FAM53A: variants seen among roughly 807,000 people sequenced by gnomAD.
FAM53A encodes protein FAM53A.
In FAM53A, 28 loss-of-function variants were observed where a neutral mutation model predicts 26.6. The observed-to-expected ratio is 1.05, with a 90% CI of 0.78 to 1.45. The LOEUF (loss-of-function observed/expected upper bound fraction) is 1.45, where lower values mean the gene tolerates loss of function less well. Ranked by LOEUF, FAM53A falls within the 40% of genes most tolerant of loss-of-function variation. The pLI is 0.00. For missense variants in FAM53A, 650 were observed against 575.8 expected, an observed-to-expected ratio of 1.13 and a Z score of -1.32; for synonymous variants, 290 against 253.1, an observed-to-expected ratio of 1.15 and a Z score of -1.38.
chr4:1,603,147 C>T, the FAM53A span, among the ~76,000 whole-genome samples: 7 of 152,308 alleles, frequency 4.6e-5, no homozygotes, highest in East Asian at 1.2e-3. Flanking sequence ...TGGGGCGAGC[C>T]GAGTAGCAAG....
the FAM53A span, among the ~76,000 whole-genome samples, chr4:1,582,925 G>C: frequency 6.6e-6 from 1 of 152,226 alleles, no homozygotes; most frequent in Non-Finnish European, 1.5e-5. Flanking sequence ...TGGATTTCTA[G>C]GTCCCAGATG....
chr4:1,631,159 T>C (rs1715594420), intron 1 of FAM53A, among the ~76,000 whole-genome samples: 2 of 152,236 alleles, frequency 1.3e-5, no homozygotes, highest in African/African-American at 4.8e-5. Context: ...TGGCTCTGAC[T>C]CTGCCACCTG....
At chr4:1,607,852 A>G in the FAM53A span, among the ~76,000 whole-genome samples, 1 of 152,052 alleles carries the variant, frequency 6.6e-6, no homozygotes. Context: ...AGGCATGAGA[A>G]TCACTTGAAC....
intron 4 of FAM53A, among the ~76,000 whole-genome samples, chr4:1,646,441 T>A (rs966832340): frequency 6.6e-6 from 1 of 152,188 alleles, no homozygotes; most frequent in Admixed American, 6.5e-5. Flanking sequence ...ATAAGTGACG[T>A]CGTCGGGGGT....
the FAM53A span, among the ~76,000 whole-genome samples, chr4:1,577,228 A>C: frequency 4.0e-3 from 602 of 152,314 alleles, 6 homozygotes; most frequent in Admixed American, 7.8e-3. Context: ...GCACACAGGG[A>C]GAGCAGAGGG....
chr4:1,595,556 A>T, the FAM53A span, among the ~76,000 whole-genome samples: 2 of 152,134 alleles, frequency 1.3e-5, no homozygotes, highest in East Asian at 1.9e-4. Context: ...GGAAGTCACC[A>T]CTGGTATAAA....
the FAM53A span, among the ~76,000 whole-genome samples, chr4:1,602,795 G>A: frequency 2.0e-5 from 3 of 152,172 alleles, no homozygotes; most frequent in Non-Finnish European, 4.4e-5. Context: ...ACCGTGGGAA[G>A]GAGGTCCACT....
In FAM53A at chr4:1,679,788, C is replaced by T. The variant is rs1269331021; in HGVS notation, c.-165+4445G>A. On this transcript the variant is annotated intron_variant, in intron 1 of 4. Coordinates refer to ENST00000308132, the MANE Select transcript of FAM53A (RefSeq NM_001174070.3). The stretch of plus-strand genomic sequence containing the variant: ...CTGGGGCCGGGTGTGGTGGCTCACG[C>T]CTATAATCCCAGCACTTTGGGAGAC... Among the ~76,000 whole-genome samples the T allele has an allele frequency of 2.0e-5, 3 of 149,910 alleles. No homozygotes were observed. In the South Asian group the frequency reaches 6.4e-4, roughly 32 times the overall value.
intron 1 of FAM53A, among the ~76,000 whole-genome samples, chr4:1,621,946 A>T (rs1715056271): frequency 6.6e-6 from 1 of 152,156 alleles, no homozygotes; most frequent in Admixed American, 6.5e-5. Flanking sequence ...TTTGGGTCGG[A>T]CGGCACCGCA....
downstream of FAM53A, among the ~76,000 whole-genome samples, chr4:1,616,217 C>A (rs1714806075): frequency 6.6e-6 from 1 of 152,186 alleles, no homozygotes; most frequent in African/African-American, 2.4e-5. Context: ...CAAAATGAAA[C>A]AAACCCAAAA....
At chr4:1,591,249 C>T in the FAM53A span, among the ~76,000 whole-genome samples, 1 of 151,884 alleles carries the variant, frequency 6.6e-6, no homozygotes, top group African/African-American at 2.4e-5. Context: ...GTTTTTCGTT[C>T]AACCTGTGAG....
intron 1 of FAM53A, among the ~76,000 whole-genome samples, chr4:1,619,393 C>T (rs1424436879): frequency 2.0e-5 from 3 of 152,174 alleles, no homozygotes; most frequent in Non-Finnish European, 4.4e-5. Flanking sequence ...TGGTGGCGCG[C>T]ATGGAGGGGT....
intron 1 of FAM53A, among the ~76,000 whole-genome samples, chr4:1,627,859 T>C (rs768106888): frequency 6.6e-5 from 10 of 151,778 alleles, no homozygotes; most frequent in Non-Finnish European, 1.0e-4. Flanking sequence ...GCCATGAGCC[T>C]CCCACCCACC....
At chr4:1,674,886 G>T (rs1417677341) in intron 1 of FAM53A, among the ~76,000 whole-genome samples, 1 of 152,214 alleles carries the variant, frequency 6.6e-6, no homozygotes, top group Non-Finnish European at 1.5e-5. Context: ...CCCCTTGGCA[G>T]TTCTGAGGCC....
chr4:1,665,069 C>G (rs1318019302), intron 2 of FAM53A, among the ~76,000 whole-genome samples: 2 of 150,710 alleles, frequency 1.3e-5, no homozygotes, highest in South Asian at 2.1e-4. Context: ...AATCCCAGCA[C>G]TTTGGGAGGC....
intron 1 of FAM53A, among the ~76,000 whole-genome samples, chr4:1,622,567 T>A (rs1451291409): frequency 6.6e-6 from 1 of 152,154 alleles, no homozygotes; most frequent in Admixed American, 6.5e-5. Flanking sequence ...CCGTTTTAAA[T>A]GGCCTCAGAC....
rs535523449 is a variant in FAM53A at position 1,659,810 on chromosome 4, C to T, written c.76-2342G>A. On this transcript the variant is annotated intron_variant, in intron 2 of 4. Transcript: ENST00000308132. This position sits in a 1 kb window ranked among gnomAD's most constrained non-coding sequence, Gnocchi z 5.2. ...TCTTCCGGTTGTATCTATGCATGGT[C>T]GAAGGGGCTGGCTTCCTCTCTGATG... 1.3e-5 allele frequency among the ~76,000 whole-genome samples: 2 copies of T among 152,182 alleles called. No individual in the cohort carries two copies. Among genetic ancestry groups the T allele is most frequent in the African/African-American group, 2.4e-5 (1 of 41,450 alleles).
chr4:1,603,816 G>A, the FAM53A span, among the ~76,000 whole-genome samples: 1 of 152,186 alleles, frequency 6.6e-6, no homozygotes, highest in African/African-American at 2.4e-5. Context: ...CAGGGAGCCT[G>A]GGGTGTGGAG....
chr4:1,592,402 C>T, the FAM53A span, among the ~76,000 whole-genome samples: 3 of 152,232 alleles, frequency 2.0e-5, no homozygotes, highest in African/African-American at 7.2e-5. Flanking sequence ...ACACAGATTA[C>T]CCCCAAAGTC....
Sources: allele counts gnomAD v4.1 joint callset (sites outside exome capture counted in the v4.1 genomes callset), GRCh38; gene constraint gnomAD v4.1.1; non-coding constraint Gnocchi (gnomAD v3.1); transcripts MANE v1.5; gene names NCBI Gene and HGNC (gene_info 2026-07-23, HGNC 2026-07-21).